SCAND3: variants seen among roughly 807,000 people sequenced by gnomAD.
SCAND3 encodes the protein SCAN domain-containing protein 3.
At chr6:28,572,400 A>G in the SCAND3 span, 4 of 1,613,392 alleles carry the variant, frequency 2.5e-6, no homozygotes, top group Non-Finnish European at 3.4e-6. This position sits in a 1 kb window ranked among gnomAD's most constrained non-coding sequence, Gnocchi z 4.1. Flanking sequence ...TACCTACTTC[A>G]TTGATAATTG....
chr6:28,572,531 G>A, the SCAND3 span: 1 of 1,613,820 alleles, frequency 6.2e-7, no homozygotes, highest in Non-Finnish European at 8.5e-7. This position sits in a 1 kb window ranked among gnomAD's most constrained non-coding sequence, Gnocchi z 4.1. Flanking sequence ...TTCTTCCCTT[G>A]CATAGAAGCA....
the SCAND3 span, among the ~76,000 whole-genome samples, chr6:28,605,148 T>C: frequency 1.3e-5 from 2 of 152,210 alleles, no homozygotes; most frequent in Admixed American, 1.3e-4. Flanking sequence ...TTGGTCCAAG[T>C]TGGCTTCCAG....
the SCAND3 span, among the ~76,000 whole-genome samples, chr6:28,609,008 G>T: frequency 2.0e-5 from 3 of 151,850 alleles, no homozygotes; most frequent in Non-Finnish European, 4.4e-5. Context: ...AAAAGCGGGG[G>T]TTGGGGGGAG....
chr6:28,575,384 C>T, the SCAND3 span: 2 of 1,614,008 alleles, frequency 1.2e-6, no homozygotes, highest in Non-Finnish European at 1.7e-6. The surrounding 1 kb of genome is among the most constrained non-coding windows in gnomAD (Gnocchi z 4.2). Context: ...CTTGAAAATT[C>T]CCTCCCATTG....
the SCAND3 span, chr6:28,575,464 G>A: frequency 6.2e-7 from 1 of 1,613,848 alleles, no homozygotes; most frequent in Non-Finnish European, 8.5e-7. This position sits in a 1 kb window ranked among gnomAD's most constrained non-coding sequence, Gnocchi z 4.2. Context: ...AACTTCCGTA[G>A]GCCTTTTAGA....
At chr6:28,572,051 C>T in the SCAND3 span, 16 of 1,613,798 alleles carry the variant, frequency 9.9e-6, no homozygotes, top group African/African-American at 6.7e-5. This position sits in a 1 kb window ranked among gnomAD's most constrained non-coding sequence, Gnocchi z 4.1. Flanking sequence ...GTAGAGAATC[C>T]GGTCTCACAG....
the SCAND3 span, among the ~76,000 whole-genome samples, chr6:28,604,027 T>C: frequency 6.6e-6 from 1 of 152,222 alleles, no homozygotes; most frequent in South Asian, 2.1e-4. Flanking sequence ...GAACTGAAGC[T>C]GCAAGCTTTC....
chr6:28,586,317 A>G, the SCAND3 span: 30 of 1,608,102 alleles, frequency 1.9e-5, no homozygotes, highest in South Asian at 3.3e-4. The surrounding 1 kb of genome is among the most constrained non-coding windows in gnomAD (Gnocchi z 4.4). Context: ...AGGTTCATCA[A>G]GCTCCCTCTC....
chr6:28,595,825 T>C, the SCAND3 span, among the ~76,000 whole-genome samples: 1 of 152,166 alleles, frequency 6.6e-6, no homozygotes, highest in African/African-American at 2.4e-5. Flanking sequence ...AACATCTGAA[T>C]ACTTTATTAA....
chr6:28,593,535 C>T, the SCAND3 span: 1 of 152,150 alleles, frequency 6.6e-6, no homozygotes, highest in African/African-American at 2.4e-5. Context: ...ATTAGCCGGG[C>T]ATGGTGGTAC....
the SCAND3 span, among the ~76,000 whole-genome samples, chr6:28,600,460 C>T: frequency 6.6e-6 from 1 of 152,080 alleles, no homozygotes; most frequent in Admixed American, 6.5e-5. Flanking sequence ...TGGCAAACCC[C>T]CATCACTACT....
At chr6:28,598,500 C>G in the SCAND3 span, among the ~76,000 whole-genome samples, 8 of 151,984 alleles carry the variant, frequency 5.3e-5, no homozygotes, top group South Asian at 1.0e-3. Context: ...ATACAACTAC[C>G]CAGCATGGAA....
chr6:28,573,767 T>C, the SCAND3 span: 2 of 1,583,822 alleles, frequency 1.3e-6, no homozygotes, highest in Non-Finnish European at 1.7e-6. Context: ...TTACTACTAC[T>C]GTGTTCAGAA....
the SCAND3 span, chr6:28,590,110 C>T: frequency 6.6e-6 from 1 of 152,304 alleles, no homozygotes; most frequent in African/African-American, 2.4e-5. Flanking sequence ...TAGGACCGGA[C>T]CTGGGCCTCG....
At chr6:28,607,517 C>CT in the SCAND3 span, among the ~76,000 whole-genome samples, 1 of 82,136 alleles carries the variant, frequency 1.2e-5, no homozygotes, top group African/African-American at 3.1e-5. Flanking sequence ...GTTTTATTCA[C>CT]TGTTTTTTTT....
the SCAND3 span, among the ~76,000 whole-genome samples, chr6:28,595,560 A>G: frequency 6.6e-6 from 1 of 151,886 alleles, no homozygotes; most frequent in African/African-American, 2.4e-5. Context: ...CGTCTCTACT[A>G]AAAATACAAA....
At chr6:28,574,368 G>C in the SCAND3 span, among the ~76,000 whole-genome samples, 1 of 151,712 alleles carries the variant, frequency 6.6e-6, no homozygotes, top group South Asian at 2.1e-4. Context: ...AAATTTTTTT[G>C]GTTCTATTTC....
At chr6:28,574,625 G>A in the SCAND3 span, 469 of 1,593,546 alleles carry the variant, frequency 2.9e-4, 4 homozygotes, top group African/African-American at 5.4e-3. Flanking sequence ...TTTCATCTAC[G>A]GCAGATATTC....
the SCAND3 span, among the ~76,000 whole-genome samples, chr6:28,598,808 T>C: frequency 7.2e-6 from 1 of 139,332 alleles, no homozygotes; most frequent in South Asian, 2.2e-4. Context: ...ACTCAGGAAG[T>C]GGAAGTTGCA....
Sources: gnomAD v4.1 joint callset for allele counts (sites outside exome capture counted in the v4.1 genomes callset) on GRCh38, gnomAD v4.1.1 for gene constraint, Gnocchi (gnomAD v3.1) non-coding constraint, MANE v1.5 for transcripts, NCBI Gene and HGNC (gene_info 2026-07-23, HGNC 2026-07-21) for gene names.